Variants in PPP2R2A observed in about 807,000 individuals in gnomAD.
The protein encoded by PPP2R2A is serine/threonine-protein phosphatase 2A 55 kDa regulatory subunit B alpha isoform.
PPP2R2A carries 9 observed loss-of-function variants against 53.2 expected under a neutral mutation model. The observed-to-expected ratio is 0.17, with a 90% CI of 0.10 to 0.30. PPP2R2A has a LOEUF of 0.30. Among genes scored for constraint, PPP2R2A ranks in the 10% least tolerant of loss-of-function variants. The probability of loss-of-function intolerance (pLI) is 1.00; values close to 1 mark genes in which losing one functional copy is unlikely to be tolerated. For missense variants in PPP2R2A, 235 were observed against 534.6 expected (o/e 0.44, Z 5.53); for synonymous variants, 169 against 174.2 (o/e 0.97, Z 0.23).
At chr8:26,336,624 TC>T (rs1047899313) in intron 2 of PPP2R2A, among the ~76,000 whole-genome samples, 5 of 152,144 alleles carry the variant, frequency 3.3e-5, no homozygotes, top group African/African-American at 9.7e-5. Context: ...CTTGCAAACT[TC>T]CAGCAGTTTG....
intron 2 of PPP2R2A, among the ~76,000 whole-genome samples, chr8:26,305,932 C>T (rs1049993859): frequency 6.6e-6 from 1 of 152,078 alleles, no homozygotes; most frequent in Non-Finnish European, 1.5e-5. Context: ...TTCAAATGGT[C>T]GTGAGTTGGA....
intron 3 of PPP2R2A, among the ~76,000 whole-genome samples, chr8:26,352,525 T>G (rs1245449982): frequency 2.0e-5 from 3 of 152,222 alleles, no homozygotes; most frequent in Non-Finnish European, 4.4e-5. Context: ...TAATAAAGTT[T>G]CAGGAGAGAG....
chr8:26,356,365 A>C (rs1804784875), intron 4 of PPP2R2A, among the ~76,000 whole-genome samples: 1 of 152,162 alleles, frequency 6.6e-6, no homozygotes, highest in Non-Finnish European at 1.5e-5. Flanking sequence ...AGCTTTCCCC[A>C]GCCAGTCCAT....
chr8:26,315,456 C>G (rs1008371634), intron 2 of PPP2R2A, among the ~76,000 whole-genome samples: 3 of 152,192 alleles, frequency 2.0e-5, no homozygotes, highest in African/African-American at 7.2e-5. Flanking sequence ...TGCAGCCTTT[C>G]ATTTAATCTT....
intron 2 of PPP2R2A, among the ~76,000 whole-genome samples, chr8:26,322,406 C>T (rs899328590): frequency 1.3e-5 from 2 of 152,160 alleles, no homozygotes; most frequent in African/African-American, 4.8e-5. Flanking sequence ...CAGAATAGAA[C>T]ATTTCTATCG....
intron 4 of PPP2R2A, among the ~76,000 whole-genome samples, chr8:26,357,460 A>G (rs1488842110): frequency 1.3e-5 from 2 of 152,026 alleles, no homozygotes; most frequent in Non-Finnish European, 2.9e-5. Context: ...TACTTAAAGG[A>G]CGTCATAGTC....
Position 26,291,692 on chromosome 8 carries a change from T to G in PPP2R2A, c.-128T>G, listed in dbSNP as rs1241874137. 5.4e-4 allele frequency: 105 copies of G among 193,676 alleles called. No homozygotes were observed. Among genetic ancestry groups the G allele is most frequent in the South Asian group, 2.0e-3 (35 of 17,312 alleles). The allele number at this position is 193,676 out of a possible 1,614,324, so 12.0% of individuals were successfully genotyped here. The stretch of plus-strand genomic sequence containing the variant: ...TCCTTCCTTTTCCCCCCGGCCCCCG[T>G]CCCCTCCCCCCGCAGGTGCCATCCG... On this transcript the variant is annotated 5_prime_UTR_variant, in exon 1 of 10. Coordinates refer to ENST00000380737, the MANE Select transcript of PPP2R2A (RefSeq NM_002717.4).
intron 3 of PPP2R2A, among the ~76,000 whole-genome samples, chr8:26,343,159 G>A (rs989344107): frequency 5.3e-5 from 8 of 152,148 alleles, no homozygotes; most frequent in African/African-American, 1.9e-4. Flanking sequence ...GGGCAACAGA[G>A]TGAGACTGTC....
rs536502204 is a variant in PPP2R2A, at chr8:26,362,303, T to C, written c.638-381T>C. 4.0e-5 allele frequency among the ~76,000 whole-genome samples: 6 copies of C among 150,648 alleles called. No individual in the cohort carries two copies. The highest frequency in any genetic ancestry group is 1.5e-4 in the African/African-American group (6 of 41,014). Reference sequence around the variant, plus strand: ...TGAGGTCAGGAGGTCGAGACCAGCCTGGCCAACATAGTGAAACCCCGTCTC... The same window carrying C: ...TGAGGTCAGGAGGTCGAGACCAGCCCGGCCAACATAGTGAAACCCCGTCTC... On this transcript the variant is annotated intron_variant, in intron 6 of 9. Coordinates refer to ENST00000380737, the MANE Select transcript of PPP2R2A (RefSeq NM_002717.4). The surrounding 1 kb of genome is among the most constrained non-coding windows in gnomAD (Gnocchi z 4.4).
At chr8:26,317,470 T>C (rs1275413576) in intron 2 of PPP2R2A, among the ~76,000 whole-genome samples, 1 of 152,234 alleles carries the variant, frequency 6.6e-6, no homozygotes, top group Non-Finnish European at 1.5e-5. Flanking sequence ...GTAACATTTT[T>C]AGGCACAGGA....
At chr8:26,293,151 G>C (rs1801382857) in intron 1 of PPP2R2A, 1 of 1,272,016 alleles carries the variant, frequency 7.9e-7, no homozygotes, top group Non-Finnish European at 1.1e-6. Context: ...CCAGTGATTT[G>C]CTGGTAATGA....
chr8:26,325,958 C>T (rs117189538), intron 2 of PPP2R2A, among the ~76,000 whole-genome samples: 12,269 of 152,242 alleles, frequency 0.081, 657 homozygotes, highest in Non-Finnish European at 0.11. Context: ...ATCTCAGCCC[C>T]ACAAGTAACT....
chr8:26,291,889 C>G, intron 1 of PPP2R2A, 63 bp downstream of exon 1: 6 of 1,595,734 alleles, frequency 3.8e-6, no homozygotes, highest in Non-Finnish European at 5.1e-6. Flanking sequence ...CCCTCCATCA[C>G]CCCCTAGCGA....
chr8:26,337,081 T>C (rs1457686883), intron 2 of PPP2R2A, among the ~76,000 whole-genome samples: 1 of 152,110 alleles, frequency 6.6e-6, no homozygotes, highest in Non-Finnish European at 1.5e-5. Flanking sequence ...ATAAAATAAG[T>C]AATGGGCAAC....
At chr8:26,315,264 C>T (rs1031885169) in intron 2 of PPP2R2A, among the ~76,000 whole-genome samples, 1 of 151,978 alleles carries the variant, frequency 6.6e-6, no homozygotes, top group Admixed American at 6.6e-5. Flanking sequence ...CAGAGATATT[C>T]GGCTGGTGGG....
At chr8:26,323,006 A>G (rs1041746326) in intron 2 of PPP2R2A, among the ~76,000 whole-genome samples, 2 of 152,174 alleles carry the variant, frequency 1.3e-5, no homozygotes, top group Non-Finnish European at 2.9e-5. Flanking sequence ...CCTCCTTTTA[A>G]AAACACGGTC....
At chr8:26,319,048 C>G (rs1336710262) in intron 2 of PPP2R2A, among the ~76,000 whole-genome samples, 1 of 152,146 alleles carries the variant, frequency 6.6e-6, no homozygotes, top group Non-Finnish European at 1.5e-5. Context: ...TAGCAACCCC[C>G]ATTCTACTTT....
chr8:26,303,140 C>T (rs1801863016), intron 2 of PPP2R2A, among the ~76,000 whole-genome samples: 1 of 152,154 alleles, frequency 6.6e-6, no homozygotes, highest in Non-Finnish European at 1.5e-5. Flanking sequence ...TCAGTCTCCT[C>T]CCTCCCTGTT....
intron 9 of PPP2R2A, among the ~76,000 whole-genome samples, chr8:26,367,445 T>A (rs1367878752): frequency 1.3e-5 from 2 of 152,250 alleles, no homozygotes; most frequent in Non-Finnish European, 2.9e-5. Flanking sequence ...AAAAAACGAT[T>A]TGTTTTCCTT....
Sources: allele counts gnomAD v4.1 joint callset (sites outside exome capture counted in the v4.1 genomes callset), GRCh38; gene constraint gnomAD v4.1.1; non-coding constraint Gnocchi (gnomAD v3.1); transcripts MANE v1.5; gene names NCBI Gene and HGNC (gene_info 2026-07-23, HGNC 2026-07-21).